CCNB1IP1: variants seen among roughly 807,000 people sequenced by gnomAD.
CCNB1IP1 encodes cyclin B1 interacting protein 1, also known as E3 ubiquitin-protein ligase CCNB1IP1.
Under a neutral mutation model 25.6 loss-of-function variants are expected in CCNB1IP1, and 14 were observed. The observed-to-expected ratio is 0.55, with a 90% CI of 0.36 to 0.85. The LOEUF is 0.85. CCNB1IP1 is among the 40% of genes least tolerant of loss of function. The probability of loss-of-function intolerance (pLI) is 0.01; values close to 1 mark genes in which losing one functional copy is unlikely to be tolerated. For missense variants in CCNB1IP1, 278 were observed against 342.4 expected (o/e 0.81, Z 1.48); for synonymous variants, 119 against 116.1 (o/e 1.02, Z -0.16).
intron 4 of CCNB1IP1, among the ~76,000 whole-genome samples, chr14:20,323,589 TGAA>T (rs1882965541): frequency 7.3e-6 from 1 of 136,464 alleles, no homozygotes. Flanking sequence ...AAAAAAAAAA[TGAA>T]GACATCAAGA....
chr14:20,331,186 C>A (rs1883224113), intron 1 of CCNB1IP1, among the ~76,000 whole-genome samples: 1 of 152,146 alleles, frequency 6.6e-6, no homozygotes, highest in Admixed American at 6.5e-5. Context: ...ACCATGAGTT[C>A]AGGGGCATAT....
rs1252987467 is a variant in CCNB1IP1 at position 20,324,992 on chromosome 14, T to C, written c.-38+547A>G. On this transcript the variant is annotated intron_variant, in intron 4 of 6. Coordinates refer to ENST00000358932, the MANE Select transcript of CCNB1IP1 (RefSeq NM_021178.5). The stretch of plus-strand genomic sequence containing the variant: ...GCCCAGATAATTTTTTGTATTTTTT[T>C]AGTAGAGATGGGGTTTTGCCATGTT... 2.6e-5 allele frequency among the ~76,000 whole-genome samples: 4 copies of C among 152,164 alleles called. No homozygotes were observed. In the East Asian group the frequency reaches 5.8e-4, roughly 22 times the overall value.
At position 20,316,326 on chromosome 14, in the gene CCNB1IP1, G is replaced by T; in HGVS notation, c.198C>A (p.Leu66=). Reference sequence around the variant, plus strand: ...TAGCTTTATATTCCTCTGATGGACTGAGTTCTGTGCGGACAATATCTAGCT... The same window carrying T: ...TAGCTTTATATTCCTCTGATGGACTTAGTTCTGTGCGGACAATATCTAGCT... ...SGKLDIVRTE[L]SPSEEYKAMV... Residue 66 remains leucine (L), a synonymous_variant, in exon 5 of 7, where the codon CTC becomes CTA. Transcript: ENST00000358932. The T allele has an allele frequency of 6.2e-7, 1 of 1,613,966 alleles. No homozygotes were observed. The highest frequency in any genetic ancestry group is 8.5e-7 in the Non-Finnish European group (1 of 1,179,866).
At chr14:20,314,183 C>A (rs143394626) in intron 5 of CCNB1IP1, 27 of 163,360 alleles carry the variant, frequency 1.7e-4, no homozygotes, top group Non-Finnish European at 3.5e-4. Flanking sequence ...GTACATACAC[C>A]CTTGTGTAAC....
rs763855512 is a variant in CCNB1IP1, at chr14:20,326,543, G to A, written c.-153+173C>T. The A allele has an allele frequency of 9.4e-6, 5 of 534,378 alleles. No individual in the cohort carries two copies. In the Admixed American group the frequency reaches 9.7e-5, roughly 10 times the overall value. 33.1% of individuals were successfully genotyped at this position (534,378 alleles called of 1,614,324 possible). A position where few individuals can be genotyped will look rare whatever the true frequency, so the allele number is the denominator to read the frequency against. ...TGGCAAACTGTAAATGACTGAGGAA[G>A]GGCAAACCAGCACTGGCTCCTCATC... On this transcript the variant is annotated intron_variant, in intron 3 of 6. Transcript: ENST00000358932.
chr14:20,318,488 A>AT (rs1241162830), intron 4 of CCNB1IP1: 3 of 151,408 alleles, frequency 2.0e-5, no homozygotes, highest in African/African-American at 7.3e-5. Flanking sequence ...AAAAAAAAAA[A>AT]ATTATTTAAT....
intron 4 of CCNB1IP1, among the ~76,000 whole-genome samples, chr14:20,316,940 C>T (rs1882719613): frequency 6.6e-6 from 1 of 152,130 alleles, no homozygotes; most frequent in Non-Finnish European, 1.5e-5. Flanking sequence ...GAAACCCAGT[C>T]TCTATTAAAA....
intron 4 of CCNB1IP1, among the ~76,000 whole-genome samples, chr14:20,317,412 A>C (rs1882743530): frequency 6.6e-6 from 1 of 152,180 alleles, no homozygotes; most frequent in Non-Finnish European, 1.5e-5. Flanking sequence ...GGAAAAAAAA[A>C]AAAGTTGCCT....
intron 4 of CCNB1IP1, chr14:20,318,302 T>A (rs1362990216): frequency 6.6e-6 from 1 of 151,858 alleles, no homozygotes; most frequent in East Asian, 1.9e-4. Context: ...GGTGAAACCC[T>A]CTCTCTACTA....
chr14:20,323,587 A>C (rs1231702374), intron 4 of CCNB1IP1, among the ~76,000 whole-genome samples: 1 of 151,522 alleles, frequency 6.6e-6, no homozygotes, highest in Non-Finnish European at 1.5e-5. Context: ...AAAAAAAAAA[A>C]ATGAAGACAT....
chr14:20,315,921 CTT>C (rs1882675784), intron 5 of CCNB1IP1: 2 of 446,988 alleles, frequency 4.5e-6, no homozygotes, highest in South Asian at 2.0e-5. Flanking sequence ...ACTGTCAACT[CTT>C]AACAATAAAA....
Position 20,331,189 on chromosome 14 carries a change from GGGCATATCCA to G in CCNB1IP1, c.-430-1826_-430-1817del, listed in dbSNP as rs375357429. The stretch of plus-strand genomic sequence containing the variant: ...TATGCCCTCAACACCATGAGTTCAG[GGGCATATCCA>G]GCACACATTTTCTAAGTAAACACTG... On this transcript the variant is annotated intron_variant, in intron 1 of 6. Transcript: ENST00000358932. 2.4e-3 allele frequency among the ~76,000 whole-genome samples: 359 copies of G among 152,106 alleles called. 3 individuals are homozygous for G. Among genetic ancestry groups the G allele is most frequent in the African/African-American group, 8.2e-3 (339 of 41,484 alleles).
intron 4 of CCNB1IP1, chr14:20,318,132 A>C (rs932887845): frequency 1.3e-5 from 2 of 152,220 alleles, no homozygotes; most frequent in South Asian, 2.1e-4. Flanking sequence ...AGGAAATTAT[A>C]ATTTTCCTTG....
chr14:20,331,286 G>A (rs1050322858), intron 1 of CCNB1IP1, among the ~76,000 whole-genome samples: 2 of 152,128 alleles, frequency 1.3e-5, no homozygotes, highest in South Asian at 2.1e-4. Flanking sequence ...GGCCACTGCT[G>A]TCACTCCTTC....
chr14:20,312,247 ATATC>A (rs1882518785), intron 6 of CCNB1IP1, among the ~76,000 whole-genome samples: 2 of 152,236 alleles, frequency 1.3e-5, no homozygotes, highest in Non-Finnish European at 2.9e-5. Context: ...AAAAATAAGT[ATATC>A]TATAATGCCC....
intron 4 of CCNB1IP1, among the ~76,000 whole-genome samples, chr14:20,322,951 C>T (rs762815098): frequency 1.4e-4 from 21 of 152,020 alleles, no homozygotes; most frequent in Non-Finnish European, 2.2e-4. Context: ...ACTGCCCTGA[C>T]GTGTGTGAGC....
chr14:20,316,559 G>A lies in CCNB1IP1; in HGVS notation c.-36C>T, dbSNP rs1132644. The A allele has an allele frequency of 4.5e-6, 7 of 1,564,382 alleles. No individual in the cohort carries two copies. The highest frequency in any genetic ancestry group is 6.1e-6 in the Non-Finnish European group (7 of 1,150,112). On this transcript the variant is annotated splice_region_variant and 5_prime_UTR_variant, in exon 5 of 7. Coordinates refer to ENST00000358932, the MANE Select transcript of CCNB1IP1 (RefSeq NM_021178.5). ...TGAGGTCTCCAGAAGCTGAAGAGAG[G>A]CCTAAGAAGGGGTAAATAAAAAGGC...
At chr14:20,327,952 T>G (rs1883125866) in intron 2 of CCNB1IP1, among the ~76,000 whole-genome samples, 1 of 152,210 alleles carries the variant, frequency 6.6e-6, no homozygotes, top group African/African-American at 2.4e-5. Context: ...ATTACCCTAG[T>G]CACATTTTCA....
intron 4 of CCNB1IP1, among the ~76,000 whole-genome samples, chr14:20,320,681 T>G (rs924622775): frequency 2.0e-5 from 3 of 151,370 alleles, no homozygotes; most frequent in African/African-American, 7.3e-5. Context: ...GGCAGGCACC[T>G]GTAATCCCAG....
Sources: allele counts gnomAD v4.1 joint callset (sites outside exome capture counted in the v4.1 genomes callset), GRCh38; gene constraint gnomAD v4.1.1; transcripts MANE v1.5; gene names NCBI Gene and HGNC (gene_info 2026-07-23, HGNC 2026-07-21).